Variants in ACTR3C observed in about 807,000 individuals in gnomAD.
ACTR3C encodes actin-related protein 3C.
In ACTR3C, 18 loss-of-function variants were observed where a neutral mutation model predicts 26.3. The ratio of observed to expected loss-of-function variants is 0.68; its 90% CI spans 0.47 to 1.01. The LOEUF (loss-of-function observed/expected upper bound fraction) is 1.01. Ranked by LOEUF, ACTR3C falls within the 50% of genes least tolerant of loss-of-function variation. ACTR3C has a pLI of 0.00. For missense variants in ACTR3C, 184 were observed against 250.7 expected (o/e 0.73, Z 1.80); for synonymous variants, 55 against 94.5 (o/e 0.58, Z 2.42).
chr7:150,241,560 T>A (rs1832177271), downstream of ACTR3C, among the ~76,000 whole-genome samples: 1 of 152,160 alleles, frequency 6.6e-6, no homozygotes, highest in Admixed American at 6.5e-5. Context: ...TCTAGAAGAA[T>A]AACTTTGCAA....
At chr7:149,927,740 A>C in the ACTR3C span, among the ~76,000 whole-genome samples, 2 of 152,128 alleles carry the variant, frequency 1.3e-5, no homozygotes, top group Non-Finnish European at 2.9e-5. Flanking sequence ...GAAAGAAAAA[A>C]AAAAAGGGCC....
chr7:150,071,179 A>C, the ACTR3C span, among the ~76,000 whole-genome samples: 3 of 151,254 alleles, frequency 2.0e-5, no homozygotes, highest in Non-Finnish European at 4.4e-5. Flanking sequence ...GCTGGAGTAC[A>C]GTGGTGCGAT....
At chr7:150,121,108 A>T in the ACTR3C span, among the ~76,000 whole-genome samples, 1 of 152,224 alleles carries the variant, frequency 6.6e-6, no homozygotes, top group Admixed American at 6.5e-5. Flanking sequence ...ACTATTTATG[A>T]CAAACCCACA....
the ACTR3C span, among the ~76,000 whole-genome samples, chr7:150,222,037 T>C: frequency 6.9e-6 from 1 of 144,096 alleles, no homozygotes; most frequent in Non-Finnish European, 1.5e-5. Context: ...CCTTACATTG[T>C]CCATTTAAAA....
the ACTR3C span, among the ~76,000 whole-genome samples, chr7:149,967,028 A>AT: frequency 2.4e-3 from 157 of 64,698 alleles, 15 homozygotes; most frequent in East Asian, 0.043. Context: ...TGCACAGCTA[A>AT]TTTTTTTTTT....
At chr7:150,224,127 G>C in the ACTR3C span, among the ~76,000 whole-genome samples, 37 of 152,322 alleles carry the variant, frequency 2.4e-4, no homozygotes, top group African/African-American at 8.9e-4. Flanking sequence ...GGAAGTGACA[G>C]TTCACCACTT....
At chr7:150,154,277 T>C in the ACTR3C span, among the ~76,000 whole-genome samples, 14 of 152,176 alleles carry the variant, frequency 9.2e-5, no homozygotes, top group Admixed American at 8.5e-4. Context: ...TCCAGCGTTT[T>C]ATACCCTCAA....
chr7:150,321,143 T>A (rs2129617721), intron 1 of ACTR3C, among the ~76,000 whole-genome samples: 1 of 152,276 alleles, frequency 6.6e-6, no homozygotes, highest in African/African-American at 2.4e-5. Flanking sequence ...AGCAAAAATC[T>A]CCCTAACCTT....
chr7:149,899,577 A>G, the ACTR3C span, among the ~76,000 whole-genome samples: 4 of 133,904 alleles, frequency 3.0e-5, no homozygotes, highest in African/African-American at 7.9e-5. Context: ...GTCCAAACAA[A>G]AGACAGAAAA....
At chr7:150,258,863 T>C (rs1833423275) in intron 6 of ACTR3C, among the ~76,000 whole-genome samples, 1 of 151,806 alleles carries the variant, frequency 6.6e-6, no homozygotes. Context: ...AGACTATTGA[T>C]GAGCACAGAT....
the ACTR3C span, among the ~76,000 whole-genome samples, chr7:149,917,525 A>AG: frequency 6.6e-6 from 1 of 152,000 alleles, no homozygotes; most frequent in East Asian, 1.9e-4. Context: ...TTTATATATA[A>AG]TTGAAACTCC....
the ACTR3C span, among the ~76,000 whole-genome samples, chr7:150,036,049 C>G: frequency 5.8e-3 from 698 of 119,770 alleles, 35 homozygotes; most frequent in African/African-American, 0.022. Context: ...GGAAGAGGGG[C>G]TCGCTCTCAG....
At chr7:149,891,907 A>G in the ACTR3C span, among the ~76,000 whole-genome samples, 1 of 103,668 alleles carries the variant, frequency 9.6e-6, no homozygotes, top group African/African-American at 3.0e-5. Flanking sequence ...GCTTTAAAAA[A>G]AAAAAAGTCT....
the ACTR3C span, among the ~76,000 whole-genome samples, chr7:150,161,004 T>A: frequency 3.3e-5 from 5 of 150,304 alleles, no homozygotes; most frequent in South Asian, 6.4e-4. Context: ...AGGTGGGCAG[T>A]GAGCCAGGTG....
the ACTR3C span, among the ~76,000 whole-genome samples, chr7:150,035,402 ATCCAGGGGGGGAAGAGGGACTG>A: frequency 3.0e-5 from 1 of 33,590 alleles, no homozygotes; most frequent in Non-Finnish European, 6.0e-5. Context: ...GGGTCCTAAG[ATCCAGGGGGGGAAGAGGGACTG>A]GCTCTCAGTC....
At chr7:150,014,786 G>A in the ACTR3C span, among the ~76,000 whole-genome samples, 1 of 152,170 alleles carries the variant, frequency 6.6e-6, no homozygotes, top group African/African-American at 2.4e-5. Flanking sequence ...AACTGGGGGT[G>A]TTCTTTCCAT....
At chr7:150,114,993 C>T in the ACTR3C span, among the ~76,000 whole-genome samples, 9 of 152,018 alleles carry the variant, frequency 5.9e-5, no homozygotes, top group African/African-American at 2.2e-4. Context: ...TCAATTTCAC[C>T]TGTTTCAGAG....
the ACTR3C span, among the ~76,000 whole-genome samples, chr7:150,107,914 G>C: frequency 1.3e-5 from 2 of 152,014 alleles, no homozygotes; most frequent in Non-Finnish European, 2.9e-5. Flanking sequence ...TTTGGAGGAA[G>C]AGCAAGTACC....
the ACTR3C span, among the ~76,000 whole-genome samples, chr7:149,900,189 T>C: frequency 6.6e-6 from 1 of 151,958 alleles, no homozygotes; most frequent in Non-Finnish European, 1.5e-5. Flanking sequence ...TTTTGGTTTG[T>C]TTTTGAGATG....
Sources: gnomAD v4.1 joint callset for allele counts (sites outside exome capture counted in the v4.1 genomes callset) on GRCh38, gnomAD v4.1.1 for gene constraint, MANE v1.5 for transcripts, NCBI Gene and HGNC (gene_info 2026-07-23, HGNC 2026-07-21) for gene names.